ZNF611: variants seen among roughly 807,000 people sequenced by gnomAD.
ZNF611 encodes the protein zinc finger protein 611.
In ZNF611, 6 loss-of-function variants were observed where a neutral mutation model predicts 8.9. That is an observed-to-expected ratio of 0.68 (90% CI 0.37 to 1.34). The LOEUF is 1.34. Among genes scored for constraint, ZNF611 ranks in the 40% most tolerant of loss-of-function variants. ZNF611 has a pLI of 0.02. For missense variants in ZNF611, 874 were observed against 841.3 expected (o/e 1.04, Z -0.48); for synonymous variants, 262 against 279.7 (o/e 0.94, Z 0.63).
intron 2 of ZNF611, among the ~76,000 whole-genome samples, chr19:52,729,504 A>AG (rs2062412160): frequency 6.7e-6 from 1 of 148,942 alleles, no homozygotes; most frequent in African/African-American, 2.5e-5. Context: ...AAAAAAAAAA[A>AG]AAAAAAAAAA....
chr19:52,734,630 T>A lies in ZNF611; in HGVS notation c.-222+371A>T, dbSNP rs1253835074. 2.0e-5 allele frequency among the ~76,000 whole-genome samples: 3 copies of A among 150,444 alleles called. No homozygotes were observed. The Admixed American group carries it at 2.0e-4, about 10-fold the overall frequency. On this transcript the variant is annotated intron_variant, in intron 1 of 5. Coordinates refer to ENST00000652185, the MANE Select transcript of ZNF611 (RefSeq NM_001161499.2). ...GACTCGGCCTCCCCGGGACTGGGGC[T>A]GCGGCGCGGCGCTCCCGGGGCTGAG...
chr19:52,719,825 T>A (rs1418831537), intron 3 of ZNF611, among the ~76,000 whole-genome samples: 2 of 152,226 alleles, frequency 1.3e-5, no homozygotes, highest in Admixed American at 1.3e-4. Context: ...GAGGGGGATG[T>A]GGCAGGGTCA....
At chr19:52,729,321 G>C (rs2062410248) in intron 2 of ZNF611, among the ~76,000 whole-genome samples, 1 of 151,576 alleles carries the variant, frequency 6.6e-6, no homozygotes, top group African/African-American at 2.4e-5. Context: ...ATAGCACAAA[G>C]AAGATAAGAA....
chr19:52,709,243 CT>C (rs1490953430), intron 5 of ZNF611, among the ~76,000 whole-genome samples: 1 of 151,742 alleles, frequency 6.6e-6, no homozygotes, highest in East Asian at 1.9e-4. Context: ...TTTTTTCTTT[CT>C]TTTTTTCTTT....
chr19:52,733,873 C>T (rs1269279752), intron 1 of ZNF611, among the ~76,000 whole-genome samples: 1 of 151,942 alleles, frequency 6.6e-6, no homozygotes, highest in Non-Finnish European at 1.5e-5. Context: ...CTATTTCTGC[C>T]TCTTCTCCCA....
At chr19:52,729,326 T>C (rs2062410290) in intron 2 of ZNF611, among the ~76,000 whole-genome samples, 1 of 150,586 alleles carries the variant, frequency 6.6e-6, no homozygotes, top group African/African-American at 2.4e-5. Flanking sequence ...ACAAAGAAGA[T>C]AAGAAAAGAT....
At chr19:52,731,447 T>C (rs889261256) in intron 1 of ZNF611, among the ~76,000 whole-genome samples, 3 of 152,152 alleles carry the variant, frequency 2.0e-5, no homozygotes, top group African/African-American at 4.8e-5. Context: ...CTCGGCTCAC[T>C]GCAACGTCTG....
intron 1 of ZNF611, among the ~76,000 whole-genome samples, chr19:52,731,268 T>C (rs1034567900): frequency 4.5e-4 from 69 of 152,206 alleles, no homozygotes; most frequent in African/African-American, 1.7e-3. Flanking sequence ...GGTTTCATCA[T>C]GTAGGCCAGG....
Position 52,705,613 on chromosome 19 carries a change from G to A in ZNF611, c.1442C>T (p.Pro481Leu). ...CTTCCCACATTCATTACACTTGTAAGGTTTTTCTCCACAGTCAATTCTAGT... is the reference window on the plus strand; with the variant it reads ...CTTCCCACATTCATTACACTTGTAAAGTTTTTCTCCACAGTCAATTCTAGT... Reference protein sequence around the residue: ...KHTRIDCGEKPYKCNECGKTF... With the variant: ...KHTRIDCGEKLYKCNECGKTF... Residue 481 changes from proline to leucine, a missense_variant, in exon 6 of 6, where the codon CCT (proline) becomes CTT (leucine). Coordinates refer to ENST00000652185, the MANE Select transcript of ZNF611 (RefSeq NM_001161499.2). 1 of 1,613,934 alleles carries A rather than the reference G, an allele frequency of 6.2e-7. No individual in the cohort carries two copies. Among genetic ancestry groups the A allele is most frequent in the Non-Finnish European group, 8.5e-7 (1 of 1,179,982 alleles).
intron 3 of ZNF611, 77 bp from the exon 4 acceptor site, chr19:52,715,990 G>GA (rs1295882552): frequency 6.5e-7 from 1 of 1,543,226 alleles, no homozygotes; most frequent in East Asian, 2.3e-5. Flanking sequence ...ACGAACGGGG[G>GA]AGACGTCACC....
At chr19:52,731,894 C>G (rs1397856226) in intron 1 of ZNF611, among the ~76,000 whole-genome samples, 2 of 150,832 alleles carry the variant, frequency 1.3e-5, no homozygotes, top group Non-Finnish European at 3.0e-5. Context: ...TCGCTTGATG[C>G]TAGGAAGCCA....
At chr19:52,720,515 G>A (rs1204717499) in intron 3 of ZNF611, among the ~76,000 whole-genome samples, 6 of 150,864 alleles carry the variant, frequency 4.0e-5, no homozygotes, top group Non-Finnish European at 8.9e-5. Context: ...CTCCCAGATG[G>A]GGCGGCCGGG....
chr19:52,720,909 AGAG>A (rs2062354395), intron 3 of ZNF611: 1 of 145,776 alleles, frequency 6.9e-6, no homozygotes, highest in African/African-American at 2.8e-5. Flanking sequence ...GCAGTCAGGC[AGAG>A]GCGCTCCTCA....
At chr19:52,719,250 C>T (rs2062338150) in intron 3 of ZNF611, among the ~76,000 whole-genome samples, 1 of 152,090 alleles carries the variant, frequency 6.6e-6, no homozygotes, top group Non-Finnish European at 1.5e-5. Flanking sequence ...AAAAAGGAAA[C>T]CAATTACAAA....
intron 4 of ZNF611, among the ~76,000 whole-genome samples, chr19:52,715,567 A>T (rs760121976): frequency 1.3e-5 from 2 of 152,120 alleles, no homozygotes; most frequent in Non-Finnish European, 2.9e-5. Context: ...ACTGACATCA[A>T]CGGGCTCACA....
intron 5 of ZNF611, among the ~76,000 whole-genome samples, chr19:52,710,605 T>A (rs2062273170): frequency 6.6e-6 from 1 of 152,102 alleles, no homozygotes; most frequent in African/African-American, 2.4e-5. Context: ...CCTCAAGCCA[T>A]CTACCCACCT....
At chr19:52,712,532 A>C (rs1370140936) in intron 5 of ZNF611, among the ~76,000 whole-genome samples, 1 of 146,706 alleles carries the variant, frequency 6.8e-6, no homozygotes, top group East Asian at 2.0e-4. Flanking sequence ...CCAGCTACTT[A>C]GGAGGCTGAG....
At chr19:52,729,327 A>G (rs2062410300) in intron 2 of ZNF611, among the ~76,000 whole-genome samples, 1 of 151,904 alleles carries the variant, frequency 6.6e-6, no homozygotes, top group Non-Finnish European at 1.5e-5. Flanking sequence ...CAAAGAAGAT[A>G]AGAAAAGATT....
intron 4 of ZNF611, among the ~76,000 whole-genome samples, chr19:52,715,340 C>T (rs188910585): frequency 9.9e-5 from 15 of 151,504 alleles, no homozygotes; most frequent in African/African-American, 3.4e-4. Flanking sequence ...CTGTAATCCC[C>T]AATACTGGGG....
Sources: gnomAD v4.1 joint callset for allele counts (sites outside exome capture counted in the v4.1 genomes callset) on GRCh38, gnomAD v4.1.1 for gene constraint, MANE v1.5 for transcripts, NCBI Gene and HGNC (gene_info 2026-07-23, HGNC 2026-07-21) for gene names.